THBS2: variants seen among roughly 807,000 people sequenced by gnomAD.
The protein encoded by THBS2 is thrombospondin 2.
THBS2 carries 47 observed loss-of-function variants against 135.2 expected under a neutral mutation model. That is an observed-to-expected ratio of 0.35 (90% CI 0.28 to 0.44). The LOEUF is 0.44. THBS2 is among the 20% of genes least tolerant of loss of function. The pLI is 1.00. For missense variants in THBS2, 1,288 were observed against 1,603.1 expected, an observed-to-expected ratio of 0.80 and a Z score of 3.36; for synonymous variants, 639 against 633.8, an observed-to-expected ratio of 1.01 and a Z score of -0.12.
In THBS2 at chr6:169,241,034, G is replaced by A. The variant is rs1257611904; in HGVS notation, c.892-442C>T. Among the ~76,000 whole-genome samples the A allele has an allele frequency of 1.3e-5, 2 of 150,708 alleles. No homozygotes were observed. Among genetic ancestry groups the A allele is most frequent in the African/African-American group, 4.9e-5 (2 of 40,810 alleles). ...GCCATCGACCCCCTCCCTGCCCCAGGCTCCTGCCCTCGCCGCCCTCCCTGC... is the reference window on the plus strand; with the variant it reads ...GCCATCGACCCCCTCCCTGCCCCAGACTCCTGCCCTCGCCGCCCTCCCTGC... On this transcript the variant is annotated intron_variant, in intron 5 of 21. Coordinates refer to ENST00000617924, the MANE Select transcript of THBS2 (RefSeq NM_003247.5). The surrounding 1 kb of genome is among the most constrained non-coding windows in gnomAD (Gnocchi z 5.5).
In THBS2 at chr6:169,222,192, C is replaced by A; in HGVS notation, c.3273+5G>T. The A allele has an allele frequency of 1.9e-6, 3 of 1,594,046 alleles. No homozygotes were observed. The highest frequency in any genetic ancestry group is 2.6e-6 in the Non-Finnish European group (3 of 1,170,344). On this transcript the variant is annotated splice_donor_5th_base_variant and intron_variant, in intron 19 of 21. Coordinates refer to ENST00000617924, the MANE Select transcript of THBS2 (RefSeq NM_003247.5). ...AGATGTGTGGGCCTGGCCAGCCAACCTCACCTGCCCCGGCGTGTTCCCCGT... is the reference window on the plus strand; with the variant it reads ...AGATGTGTGGGCCTGGCCAGCCAACATCACCTGCCCCGGCGTGTTCCCCGT...
intron 4 of THBS2, among the ~76,000 whole-genome samples, chr6:169,245,617 C>T (rs1232619002): frequency 6.6e-6 from 1 of 151,862 alleles, no homozygotes; most frequent in Non-Finnish European, 1.5e-5. Context: ...ACGCTGAAAC[C>T]CCATCTCTAC....
chr6:169,228,653 G>A (rs1295787307), intron 14 of THBS2, among the ~76,000 whole-genome samples: 1 of 152,196 alleles, frequency 6.6e-6, no homozygotes, highest in Non-Finnish European at 1.5e-5. Flanking sequence ...CCCGGGCACA[G>A]TGGCTCACAC....
intron 4 of THBS2, among the ~76,000 whole-genome samples, chr6:169,242,688 CCA>C (rs1239354507): frequency 2.2e-3 from 182 of 81,348 alleles, no homozygotes; most frequent in East Asian, 6.6e-3. Context: ...TCCCACCTTC[CCA>C]TCTTCCCACC....
chr6:169,251,159 TAA>T (rs1780739334), intron 1 of THBS2, among the ~76,000 whole-genome samples: 1 of 152,150 alleles, frequency 6.6e-6, no homozygotes, highest in Non-Finnish European at 1.5e-5. Flanking sequence ...TTGCCTGGAG[TAA>T]TTCTGTTCAT....
intron 6 of THBS2, 123 bp downstream of exon 6, chr6:169,240,329 T>G (rs1407403569): frequency 1.5e-6 from 2 of 1,337,236 alleles, no homozygotes; most frequent in East Asian, 4.7e-5. Context: ...ACACTGAAAT[T>G]TCCTCACATA....
rs12178175 is a variant in THBS2 at position 169,241,358 on chromosome 6, T to C, written c.891+404A>G. The stretch of plus-strand genomic sequence containing the variant: ...ACTTCCCGTCCTGCCTCTTCAGCTA[T>C]GCCAACATGCAGTCCTTGAAATAAA... On this transcript the variant is annotated intron_variant, in intron 5 of 21. Coordinates refer to ENST00000617924, the MANE Select transcript of THBS2 (RefSeq NM_003247.5). The surrounding 1 kb of genome is among the most constrained non-coding windows in gnomAD (Gnocchi z 5.5). 0.014 allele frequency among the ~76,000 whole-genome samples: 2,098 copies of C among 152,272 alleles called. 34 individuals are homozygous for C. The highest frequency in any genetic ancestry group is 0.075 in the East Asian group (387 of 5,176).
chr6:169,224,358 G>A (rs1401332464), intron 17 of THBS2, among the ~76,000 whole-genome samples: 2 of 152,182 alleles, frequency 1.3e-5, no homozygotes, highest in Non-Finnish European at 1.5e-5. Flanking sequence ...GCCCGAACAC[G>A]GAGTCCAGAT....
chr6:169,218,949 T>C (rs1386038951), intron 21 of THBS2, among the ~76,000 whole-genome samples: 1 of 135,156 alleles, frequency 7.4e-6, no homozygotes, highest in African/African-American at 2.9e-5. Context: ...GTGGATGAGA[T>C]GAGTGGATGG....
chr6:169,219,957 G>T, intron 21 of THBS2: 1 of 612,758 alleles, frequency 1.6e-6, no homozygotes, highest in Non-Finnish European at 2.9e-6. Context: ...GGATGGGTGG[G>T]ACCTGTAAAT....
In THBS2 at chr6:169,250,737, C is replaced by A. The variant is rs765561466; in HGVS notation, c.48G>T (p.Thr16=). 4 of 1,613,318 alleles carry A rather than the reference C, an allele frequency of 2.5e-6. No homozygotes were observed. The highest frequency in any genetic ancestry group is 1.7e-5 in the Admixed American group (1 of 59,938). The change falls in exon 2 of 22, where the codon ACG becomes ACT. Residue 16 remains threonine, a synonymous_variant. Transcript: ENST00000617924. The stretch of plus-strand genomic sequence containing the variant: ...ACAGGCTCTGAGGACACTCACCTTG[C>A]GTGCTGGGCCACACCCACAGAGCCA... ...VLLALWVWPS[T]QAGHQDKDTT...
Position 169,245,769 on chromosome 6 carries a change from G to A in THBS2, c.694+428C>T, listed in dbSNP as rs558205163. ...ATCGCACCACTGCACTCCAGCCTGG[G>A]TGACAGAGTGAGACTCTGGCTCAAA... On this transcript the variant is annotated intron_variant, in intron 4 of 21. Coordinates refer to ENST00000617924, the MANE Select transcript of THBS2 (RefSeq NM_003247.5). Among the ~76,000 whole-genome samples the A allele has an allele frequency of 1.1e-3, 157 of 146,488 alleles. 1 individual carries two copies. Among genetic ancestry groups the A allele is most frequent in the South Asian group, 7.4e-3 (33 of 4,450 alleles).
chr6:169,219,306 G>A (rs1779328448), intron 21 of THBS2, among the ~76,000 whole-genome samples: 1 of 142,308 alleles, frequency 7.0e-6, no homozygotes, highest in African/African-American at 2.6e-5. Context: ...TGGATGGGTG[G>A]TTGGATGGAT....
rs1443154946 is a variant in THBS2 at position 169,241,289 on chromosome 6, G to A, written c.891+473C>T. Among the ~76,000 whole-genome samples the A allele has an allele frequency of 2.6e-5, 4 of 152,072 alleles. No homozygotes were observed. The highest frequency in any genetic ancestry group is 4.8e-5 in the African/African-American group (2 of 41,406). Reference sequence around the variant, plus strand: ...GGCATCGCTCTCTCTTCCTGGCCGCGCTGTGCCGCTCAAACCCATTTCACT... The same window carrying A: ...GGCATCGCTCTCTCTTCCTGGCCGCACTGTGCCGCTCAAACCCATTTCACT... On this transcript the variant is annotated intron_variant, in intron 5 of 21. Coordinates refer to ENST00000617924, the MANE Select transcript of THBS2 (RefSeq NM_003247.5). The surrounding 1 kb of genome is among the most constrained non-coding windows in gnomAD (Gnocchi z 5.5).
intron 14 of THBS2, among the ~76,000 whole-genome samples, chr6:169,228,816 C>G (rs138567974): frequency 6.7e-6 from 1 of 149,470 alleles, no homozygotes; most frequent in East Asian, 2.0e-4. Flanking sequence ...GCCAGTTACT[C>G]AGGAGACTGA....
At chr6:169,221,342 C>T (rs981127557) in intron 20 of THBS2, 88 bp downstream of exon 20, 105 of 1,215,758 alleles carry the variant, frequency 8.6e-5, no homozygotes, top group Non-Finnish European at 1.2e-4. Flanking sequence ...TTAGAATTCA[C>T]TTGAGCTTAT....
At position 169,251,554 on chromosome 6, in the gene THBS2, C is replaced by T. The variant is rs112626807; in HGVS notation, c.-22-748G>A. Among the ~76,000 whole-genome samples, 392 of 152,256 alleles carry T rather than the reference C, an allele frequency of 2.6e-3. 4 individuals are homozygous for T. Among genetic ancestry groups the T allele is most frequent in the African/African-American group, 8.9e-3 (371 of 41,544 alleles). The stretch of plus-strand genomic sequence containing the variant: ...GGATCTCAGCTTCTCCTCTTCCGGG[C>T]GAGCATGAGCCTGAGGGTCCCAGGG... On this transcript the variant is annotated intron_variant, in intron 1 of 21. Transcript: ENST00000617924.
chr6:169,231,061 G>A (rs1779811980), intron 13 of THBS2, among the ~76,000 whole-genome samples: 1 of 152,196 alleles, frequency 6.6e-6, no homozygotes, highest in South Asian at 2.1e-4. Context: ...CTGAGTGGCA[G>A]TCCCCACGAT....
chr6:169,253,011 G>A (rs1391894990), intron 1 of THBS2, among the ~76,000 whole-genome samples: 1 of 152,124 alleles, frequency 6.6e-6, no homozygotes, highest in Non-Finnish European at 1.5e-5. Context: ...TTAAGTGGTA[G>A]CCAGGCAACC....
Sources: allele counts gnomAD v4.1 joint callset (sites outside exome capture counted in the v4.1 genomes callset), GRCh38; gene constraint gnomAD v4.1.1; non-coding constraint Gnocchi (gnomAD v3.1); transcripts MANE v1.5; gene names NCBI Gene and HGNC (gene_info 2026-07-23, HGNC 2026-07-21).